The following ANK2 variants were observed in gnomAD, a reference collection of about 807,000 sequenced individuals.
The protein encoded by ANK2 is ankyrin 2.
Under a neutral mutation model 360.5 loss-of-function variants are expected in ANK2, and 83 were observed. The observed-to-expected ratio is 0.23, with a 90% confidence interval of 0.19 to 0.28. The LOEUF is 0.28. Among genes scored for constraint, ANK2 ranks in the 10% least tolerant of loss-of-function variants. The pLI, the probability that ANK2 is intolerant of heterozygous loss-of-function variation, is 1.00. For missense variants in ANK2, 4,201 were observed against 4,795.7 expected (o/e 0.88, Z 3.66); for synonymous variants, 1,740 against 1,759.5 (o/e 0.99, Z 0.28).
chr4:113,176,511 C>T (rs2098207142), intron 2 of ANK2, among the ~76,000 whole-genome samples: 1 of 151,826 alleles, frequency 6.6e-6, no homozygotes, highest in Non-Finnish European at 1.5e-5. Context: ...ACTTTAGATA[C>T]ATTAGTTACC....
intron 2 of ANK2, among the ~76,000 whole-genome samples, chr4:113,008,503 A>G (rs2053661467): frequency 6.6e-6 from 1 of 152,214 alleles, no homozygotes; most frequent in African/African-American, 2.4e-5. Flanking sequence ...ATTTACTTAC[A>G]TGAAATTAAC....
At chr4:113,155,929 G>A (rs1248066831) in intron 1 of ANK2, among the ~76,000 whole-genome samples, 5 of 152,172 alleles carry the variant, frequency 3.3e-5, no homozygotes, top group Admixed American at 1.3e-4. Flanking sequence ...ACTAAGCAAA[G>A]CAATTTGAGT....
chr4:113,378,311 T>C (rs1007281216), intron 45 of ANK2: 4 of 342,768 alleles, frequency 1.2e-5, no homozygotes, highest in Non-Finnish European at 2.2e-5. Flanking sequence ...TCCTGTATTA[T>C]AATACTTTGG....
rs190175870 is a variant in ANK2 at position 113,167,390 on chromosome 4, C to T, written c.85-7026C>T. The stretch of plus-strand genomic sequence containing the variant: ...TCTTGGCTCACTGCAACCTCTGCCT[C>T]CCGGATCCGAGCGATTCCCCTGCCT... On this transcript the variant is annotated intron_variant, in intron 1 of 45. Transcript: ENST00000357077. 2.7e-3 allele frequency among the ~76,000 whole-genome samples: 406 copies of T among 151,646 alleles called. 1 individual carries two copies. The highest frequency in any genetic ancestry group is 9.5e-3 in the African/African-American group (392 of 41,288).
At chr4:113,333,722 G>T (rs1354967906) in intron 29 of ANK2, among the ~76,000 whole-genome samples, 1 of 152,102 alleles carries the variant, frequency 6.6e-6, no homozygotes, top group African/African-American at 2.4e-5. Flanking sequence ...ATTATTAAGG[G>T]GGTAGGAAAA....
At chr4:112,826,361 G>A in intron 1 of ANK2, 2 of 963,936 alleles carry the variant, frequency 2.1e-6, no homozygotes, top group Non-Finnish European at 3.2e-6. Flanking sequence ...CAGTGACAAT[G>A]GTCTCACTGC....
intron 1 of ANK2, among the ~76,000 whole-genome samples, chr4:113,120,708 G>A (rs1413582640): frequency 1.3e-5 from 2 of 152,092 alleles, no homozygotes; most frequent in Admixed American, 1.3e-4. Context: ...TCATCACCCA[G>A]GTGTTAAGCC....
chr4:113,361,740 G>T (rs1373949502), intron 39 of ANK2, among the ~76,000 whole-genome samples: 2 of 151,970 alleles, frequency 1.3e-5, no homozygotes, highest in East Asian at 1.9e-4. Context: ...CTTACATACT[G>T]ATCAGACTTA....
At chr4:112,872,525 C>T (rs900653581) in intron 1 of ANK2, among the ~76,000 whole-genome samples, 2 of 152,012 alleles carry the variant, frequency 1.3e-5, no homozygotes, top group African/African-American at 2.4e-5. Flanking sequence ...TTAATAGAGA[C>T]GAGGTTTCTC....
At chr4:113,003,736 A>AT (rs2051669942) in intron 2 of ANK2, among the ~76,000 whole-genome samples, 2 of 152,202 alleles carry the variant, frequency 1.3e-5, no homozygotes, top group Non-Finnish European at 2.9e-5. Flanking sequence ...GAGAAATGAA[A>AT]GCATAAAAGA....
chr4:112,872,633 G>C (rs1203783908), intron 1 of ANK2, among the ~76,000 whole-genome samples: 1 of 152,146 alleles, frequency 6.6e-6, no homozygotes, highest in African/African-American at 2.4e-5. Flanking sequence ...CACCACACCT[G>C]GTGCATCTGT....
Position 112,826,258 on chromosome 4 carries a change from T to C in ANK2, c.-40+7994T>C, listed in dbSNP as rs150113273. 4.7e-4 allele frequency: 222 copies of C among 470,572 alleles called. 1 individual carries two copies. In the East Asian group the frequency reaches 9.5e-3, roughly 20 times the overall value. 29.1% of individuals were successfully genotyped at this position (470,572 alleles called of 1,614,324 possible). The stretch of plus-strand genomic sequence containing the variant: ...TAAGTCTAAGGCCTATCTCATAACC[T>C]GTTGTTACTATTTTGACTATAAATT... On this transcript the variant is annotated intron_variant, in intron 1 of 30. Transcript: ENST00000503271.
intron 1 of ANK2, among the ~76,000 whole-genome samples, chr4:112,863,135 C>T (rs1395461535): frequency 6.6e-6 from 1 of 151,814 alleles, no homozygotes; most frequent in African/African-American, 2.4e-5. Context: ...GTATTTTTTT[C>T]TTTGAAAAAA....
chr4:113,155,089 C>T (rs1016924584), intron 1 of ANK2, among the ~76,000 whole-genome samples: 1 of 152,134 alleles, frequency 6.6e-6, no homozygotes, highest in Admixed American at 6.5e-5. Context: ...TATTAATTAT[C>T]ATCAATAATA....
At chr4:112,774,504 G>A in the ANK2 span, among the ~76,000 whole-genome samples, 1 of 152,286 alleles carries the variant, frequency 6.6e-6, no homozygotes, top group African/African-American at 2.4e-5. Context: ...TCCAGTCTGG[G>A]CGACAGAGCG....
chr4:112,850,289 T>C (rs2149939305), intron 1 of ANK2, among the ~76,000 whole-genome samples: 1 of 139,250 alleles, frequency 7.2e-6, no homozygotes, highest in African/African-American at 2.9e-5. Flanking sequence ...TCTATCTATC[T>C]ATCTATCTAT....
At chr4:113,153,661 A>C (rs1253905150) in intron 1 of ANK2, among the ~76,000 whole-genome samples, 1 of 152,182 alleles carries the variant, frequency 6.6e-6, no homozygotes, top group Non-Finnish European at 1.5e-5. Context: ...ACATAGGATA[A>C]ACTGTATTTG....
rs577046398 is a variant in ANK2, at chr4:113,205,009, G to A, written c.384+5900G>A. On this transcript the variant is annotated intron_variant, in intron 4 of 45. Coordinates refer to ENST00000357077, the MANE Select transcript of ANK2 (RefSeq NM_001148.6). ...CCAGCACTTTGGGAGGCCGAGACGG[G>A]CGGATCACGAGGTCAGGAGATCGAG... is the stretch of plus-strand genomic sequence containing the variant. 3.3e-4 allele frequency among the ~76,000 whole-genome samples: 50 copies of A among 152,158 alleles called. No individual in the cohort carries two copies. In the South Asian group the frequency reaches 8.5e-3, roughly 26 times the overall value.
At chr4:112,861,149 C>T (rs2067884942) in intron 1 of ANK2, among the ~76,000 whole-genome samples, 1 of 152,024 alleles carries the variant, frequency 6.6e-6, no homozygotes, top group Admixed American at 6.6e-5. Flanking sequence ...AGTCTTGAAC[C>T]GAAATTGCTT....
Sources: gnomAD v4.1 joint callset for allele counts (sites outside exome capture counted in the v4.1 genomes callset) on GRCh38, gnomAD v4.1.1 for gene constraint, MANE v1.5 for transcripts, NCBI Gene and HGNC (gene_info 2026-07-23, HGNC 2026-07-21) for gene names.